Variants in SLC23A2 observed in about 807,000 individuals in gnomAD.
SLC23A2 encodes Na(+)/L-ascorbic acid transporter 2.
In SLC23A2, 36 loss-of-function variants were observed where a neutral mutation model predicts 73.3. The ratio of observed to expected loss-of-function variants is 0.49; its 90% CI spans 0.38 to 0.65. The LOEUF is 0.65. SLC23A2 is among the 30% of genes least tolerant of loss of function. The pLI is 0.00. For synonymous variants in SLC23A2, 343 were observed against 327.3 expected (o/e 1.05, Z -0.52); for missense variants, 507 against 841.6 (o/e 0.60, Z 4.92).
chr20:4,950,199 C>T (rs1354990072), intron 2 of SLC23A2, among the ~76,000 whole-genome samples: 2 of 152,154 alleles, frequency 1.3e-5, no homozygotes, highest in African/African-American at 2.4e-5. Context: ...ACGTCTCAAA[C>T]CTGCACTAAG....
rs1481371976 is a variant in SLC23A2, at chr20:4,883,141, A to T, written c.824+501T>A. On this transcript the variant is annotated intron_variant, in intron 9 of 16. Coordinates refer to ENST00000338244, the MANE Select transcript of SLC23A2 (RefSeq NM_005116.6). The surrounding 1 kb of genome is among the most constrained non-coding windows in gnomAD (Gnocchi z 4.5). The stretch of plus-strand genomic sequence containing the variant: ...GACTAGCAGGACCCTGGCAGAAACT[A>T]TGTCCCTCCCCCAACCACCCACCCG... Among the ~76,000 whole-genome samples the T allele has an allele frequency of 6.6e-6, 1 of 152,166 alleles. No individual in the cohort carries two copies. Among genetic ancestry groups the T allele is most frequent in the Non-Finnish European group, 1.5e-5 (1 of 68,046 alleles).
intron 6 of SLC23A2, among the ~76,000 whole-genome samples, chr20:4,891,981 G>A (rs1028600246): frequency 2.6e-5 from 4 of 151,870 alleles, no homozygotes; most frequent in Non-Finnish European, 5.9e-5. Context: ...CTTGAACTTC[G>A]GGGCTCAAGT....
In SLC23A2 at chr20:4,899,290, A is replaced by G. The variant is rs1211385291; in HGVS notation, c.482+265T>C. 6.6e-6 allele frequency among the ~76,000 whole-genome samples: 1 copy of G among 152,114 alleles called. No individual in the cohort carries two copies. The highest frequency in any genetic ancestry group is 1.5e-5 in the Non-Finnish European group (1 of 68,022). ...AGAGGGGTGCTGGGGAGCGAGCATG[A>G]CTTGCCAAGGGGGCAGGGGAAGGAG... is the stretch of plus-strand genomic sequence containing the variant. On this transcript the variant is annotated intron_variant, in intron 6 of 16. Coordinates refer to ENST00000338244, the MANE Select transcript of SLC23A2 (RefSeq NM_005116.6). This position sits in a 1 kb window ranked among gnomAD's most constrained non-coding sequence, Gnocchi z 4.9.
In SLC23A2 at chr20:4,872,324, T is replaced by G. The variant is rs1470029321; in HGVS notation, c.1102+1612A>C. On this transcript the variant is annotated intron_variant, in intron 11 of 16. Transcript: ENST00000338244. This position sits in a 1 kb window ranked among gnomAD's most constrained non-coding sequence, Gnocchi z 4.4. ...GGAGGTGGCTTTCTAGCTATGGAGC[T>G]CTGGTACCCCACCAGCCCTCGGCAG... is the stretch of plus-strand genomic sequence containing the variant. Among the ~76,000 whole-genome samples the G allele has an allele frequency of 6.6e-6, 1 of 152,144 alleles. No homozygotes were observed. The highest frequency in any genetic ancestry group is 1.5e-5 in the Non-Finnish European group (1 of 68,024).
At chr20:4,900,981 TCA>T (rs1010019133) in intron 5 of SLC23A2, among the ~76,000 whole-genome samples, 3 of 152,144 alleles carry the variant, frequency 2.0e-5, no homozygotes, top group African/African-American at 7.2e-5. Context: ...TCAGGGCTGC[TCA>T]CAACTTTATG....
intron 1 of SLC23A2, among the ~76,000 whole-genome samples, chr20:5,000,428 C>A (rs1344933623): frequency 6.6e-6 from 1 of 152,168 alleles, no homozygotes; most frequent in African/African-American, 2.4e-5. Flanking sequence ...CTCCGGACTC[C>A]CAGTCCCATG....
At chr20:4,887,332 C>T (rs990023217) in intron 6 of SLC23A2, among the ~76,000 whole-genome samples, 2 of 152,176 alleles carry the variant, frequency 1.3e-5, no homozygotes, top group Non-Finnish European at 2.9e-5. Context: ...GAAAGGACAG[C>T]GTGTAATTAG....
intron 1 of SLC23A2, among the ~76,000 whole-genome samples, chr20:5,006,549 T>TTATTTATTTATTTATC (rs2088193644): frequency 7.2e-6 from 1 of 138,574 alleles, no homozygotes; most frequent in African/African-American, 2.5e-5. Context: ...AAAAGCCATT[T>TTATTTATTTATTTATC]TATTTATTTA....
chr20:4,932,623 CA>C lies in SLC23A2; in HGVS notation c.-62del, dbSNP rs1932802231. ...GAGCAGCTGGAAGTGAAGGCTTATT[CA>C]AGCTAGGAGCCCAGGATCAGCCGGC... On this transcript the variant is annotated 5_prime_UTR_variant, in exon 3 of 17. An upstream open reading frame in the 5' UTR loses its in-frame stop. Coordinates refer to ENST00000338244, the MANE Select transcript of SLC23A2 (RefSeq NM_005116.6). The C allele has an allele frequency of 4.3e-6, 4 of 928,296 alleles. No individual in the cohort carries two copies. The highest frequency in any genetic ancestry group is 7.2e-6 in the Non-Finnish European group (4 of 555,720). 57.5% of individuals were successfully genotyped at this position (928,296 alleles called of 1,614,324 possible).
intron 7 of SLC23A2, 142 bp downstream of exon 7, chr20:4,885,679 C>G (rs1208394508): frequency 4.6e-6 from 3 of 659,080 alleles, no homozygotes; most frequent in Non-Finnish European, 8.4e-6. Flanking sequence ...ACAGATGGAG[C>G]ATTCTAAGCT....
intron 2 of SLC23A2, among the ~76,000 whole-genome samples, chr20:4,955,399 C>CA (rs2087270678): frequency 7.8e-6 from 1 of 127,998 alleles, no homozygotes; most frequent in Admixed American, 7.9e-5. Flanking sequence ...ACACACACAC[C>CA]CTAGAATAAG....
At position 4,912,928 on chromosome 20, in the gene SLC23A2, G is replaced by C. The variant is rs147670595; in HGVS notation, c.159C>G (p.Asp53Glu). 3 of 1,549,734 alleles carry C rather than the reference G, an allele frequency of 1.9e-6. No individual in the cohort carries two copies. The African/African-American group carries it at 4.9e-5, about 25-fold the overall frequency. Residue 53 changes from aspartate to glutamate, a missense_variant, in exon 4 of 17, where the codon GAC (aspartate) becomes GAG (glutamate). Transcript: ENST00000338244. ...ATSSGEQDNE[D>E]TELMAIYTTE... is the part of the protein sequence containing the mutation. ...TAGTGTAGATCGCCATGAGCTCAGTGTCCTCATTGTCCTGCTCACCGCTGG... is the reference window on the plus strand; with the variant it reads ...TAGTGTAGATCGCCATGAGCTCAGTCTCCTCATTGTCCTGCTCACCGCTGG...
At chr20:4,867,286 T>TC in intron 13 of SLC23A2, among the ~76,000 whole-genome samples, 1 of 152,072 alleles carries the variant, frequency 6.6e-6, no homozygotes, top group South Asian at 2.1e-4. Context: ...TGGAACGCTC[T>TC]CCCCCAGGTT....
chr20:4,928,339 C>A (rs889319931), intron 3 of SLC23A2, among the ~76,000 whole-genome samples: 3 of 152,252 alleles, frequency 2.0e-5, no homozygotes, highest in Non-Finnish European at 2.9e-5. Context: ...CCGCACCCAG[C>A]CTATAACATG....
chr20:4,885,205 C>G (rs1931049004), intron 7 of SLC23A2, among the ~76,000 whole-genome samples: 1 of 152,144 alleles, frequency 6.6e-6, no homozygotes, highest in Admixed American at 6.5e-5. Flanking sequence ...GTTCCCAGAT[C>G]AAATCAGTGG....
At chr20:4,928,574 C>T (rs1776977) in intron 3 of SLC23A2, among the ~76,000 whole-genome samples, 17,362 of 152,138 alleles carry the variant, frequency 0.11, 1,412 homozygotes, top group African/African-American at 0.23. Context: ...GGCATTTCTC[C>T]CCTCCCAGCA....
Position 4,900,027 on chromosome 20 carries a change from C to T in SLC23A2, c.325-315G>A, listed in dbSNP as rs115694050. Among the ~76,000 whole-genome samples the T allele has an allele frequency of 2.0e-3, 299 of 152,278 alleles. 1 individual carries two copies. Among genetic ancestry groups the T allele is most frequent in the African/African-American group, 6.8e-3 (284 of 41,572 alleles). On this transcript the variant is annotated intron_variant, in intron 5 of 16. Transcript: ENST00000338244. ...CTGGGATTACAGGGGCGCACCACCA[C>T]GCCCAGCTTATTTTTGTATTTTTTG...
chr20:4,911,180 C>T (rs1932133614), intron 4 of SLC23A2, among the ~76,000 whole-genome samples: 1 of 152,204 alleles, frequency 6.6e-6, no homozygotes, highest in Non-Finnish European at 1.5e-5. Flanking sequence ...GCCTCAGCTG[C>T]AGACCACAGG....
At chr20:4,906,826 G>T (rs1044163653) in intron 4 of SLC23A2, among the ~76,000 whole-genome samples, 9 of 152,240 alleles carry the variant, frequency 5.9e-5, no homozygotes, top group African/African-American at 2.2e-4. Flanking sequence ...TCAAGAAAAA[G>T]AGATTAATAT....
Sources: gnomAD v4.1 joint callset for allele counts (sites outside exome capture counted in the v4.1 genomes callset) on GRCh38, gnomAD v4.1.1 for gene constraint, Gnocchi (gnomAD v3.1) non-coding constraint, MANE v1.5 for transcripts, NCBI Gene and HGNC (gene_info 2026-07-23, HGNC 2026-07-21) for gene names.